The following TRMT11 variants were observed in gnomAD, a reference collection of about 807,000 sequenced individuals.
TRMT11 encodes tRNA methyltransferase 11, also known as tRNA (guanine(10)-N(2))-methyltransferase TRMT11.
Under a neutral mutation model 62.8 loss-of-function variants are expected in TRMT11, and 53 were observed. The ratio of observed to expected loss-of-function variants is 0.84; its 90% CI spans 0.68 to 1.06. The LOEUF is 1.06. Among genes scored for constraint, TRMT11 ranks in the 50% least tolerant of loss-of-function variants. The pLI, the probability that TRMT11 is intolerant of heterozygous loss-of-function variation, is 0.00. For synonymous variants in TRMT11, 188 were observed against 190.3 expected (o/e 0.99, Z 0.10); for missense variants, 556 against 553.4 (o/e 1.00, Z -0.05).
intron 17 of TRMT11, among the ~76,000 whole-genome samples, chr6:126,068,106 AT>A (rs774603778): frequency 2.5e-4 from 38 of 151,994 alleles, no homozygotes; most frequent in Non-Finnish European, 4.0e-4. Context: ...ATTTCTTCTT[AT>A]GTGATGTGTC....
intron 17 of TRMT11, among the ~76,000 whole-genome samples, chr6:126,085,108 A>G (rs531743983): frequency 6.6e-6 from 1 of 152,286 alleles, no homozygotes; most frequent in East Asian, 1.9e-4. Context: ...AATGGTAACT[A>G]TGTGAGGTGA....
chr6:126,257,705 T>C, the TRMT11 span, among the ~76,000 whole-genome samples: 1 of 152,208 alleles, frequency 6.6e-6, no homozygotes, highest in Non-Finnish European at 1.5e-5. Context: ...CCTAGCTTTA[T>C]TAAAGGTCCT....
chr6:126,006,982 T>A (rs771667819), intron 7 of TRMT11: 2 of 152,026 alleles, frequency 1.3e-5, no homozygotes, highest in Non-Finnish European at 2.9e-5. Flanking sequence ...TTGGCAGAAT[T>A]GTAGTAATTC....
the TRMT11 span, among the ~76,000 whole-genome samples, chr6:126,246,116 TA>T: frequency 6.0e-5 from 9 of 149,234 alleles, no homozygotes; most frequent in Admixed American, 6.7e-5. Flanking sequence ...CCTCGTCTCT[TA>T]AAAAAAAAAT....
chr6:126,153,580 TA>T (rs973402898), intron 21 of TRMT11, among the ~76,000 whole-genome samples: 1 of 152,244 alleles, frequency 6.6e-6, no homozygotes, highest in Non-Finnish European at 1.5e-5. Flanking sequence ...AGCCATTCTT[TA>T]AAAAATTCTG....
chr6:126,100,500 C>G (rs1018338336), intron 17 of TRMT11, among the ~76,000 whole-genome samples: 1 of 152,178 alleles, frequency 6.6e-6, no homozygotes, highest in African/African-American at 2.4e-5. Context: ...CCGACCTGAA[C>G]AAGCTTGAGC....
chr6:126,077,163 A>G (rs1484142329), intron 17 of TRMT11, among the ~76,000 whole-genome samples: 2 of 152,168 alleles, frequency 1.3e-5, no homozygotes, highest in African/African-American at 2.4e-5. Flanking sequence ...AACTATTGCA[A>G]CCTCAGTCCC....
intron 16 of TRMT11, among the ~76,000 whole-genome samples, chr6:126,051,905 AAAAAC>A (rs1350191125): frequency 2.6e-5 from 4 of 152,170 alleles, no homozygotes; most frequent in African/African-American, 2.4e-5. Flanking sequence ...GTATGGGACA[AAAAAC>A]AAAACAAAAC....
Position 126,038,692 on chromosome 6 carries a change from T to C in TRMT11, c.1261-13T>C. 1 of 1,543,548 alleles carries C rather than the reference T, an allele frequency of 6.5e-7. No individual in the cohort carries two copies. The highest frequency in any genetic ancestry group is 1.4e-5 in the African/African-American group (1 of 70,562). ...GAAATAATTTTTACATTTTGTATTT[T>C]CCAACCAAACAGAATCGGGACCAGT... On this transcript the variant is annotated splice_polypyrimidine_tract_variant and intron_variant, in intron 12 of 12. Transcript: ENST00000334379.
chr6:126,223,148 G>A, the TRMT11 span, among the ~76,000 whole-genome samples: 2 of 152,300 alleles, frequency 1.3e-5, no homozygotes, highest in East Asian at 1.9e-4. Flanking sequence ...GAGGCTGGGC[G>A]CAGTGGCTCA....
intron 21 of TRMT11, among the ~76,000 whole-genome samples, chr6:126,164,950 T>C (rs984921684): frequency 6.6e-6 from 1 of 152,158 alleles, no homozygotes; most frequent in Non-Finnish European, 1.5e-5. Context: ...AGTCTGTGTC[T>C]TTTAACTGGG....
chr6:126,235,457 T>G, the TRMT11 span, among the ~76,000 whole-genome samples: 1 of 152,214 alleles, frequency 6.6e-6, no homozygotes, highest in Non-Finnish European at 1.5e-5. Context: ...TCAACCTACA[T>G]GCCCATCAGT....
the TRMT11 span, among the ~76,000 whole-genome samples, chr6:126,236,152 A>G: frequency 6.6e-6 from 1 of 152,222 alleles, no homozygotes; most frequent in Non-Finnish European, 1.5e-5. Context: ...GCATTAGCCC[A>G]TAAGTATTTG....
chr6:126,016,454 TTTA>T (rs1794996050), intron 11 of TRMT11, among the ~76,000 whole-genome samples: 1 of 152,202 alleles, frequency 6.6e-6, no homozygotes, highest in Non-Finnish European at 1.5e-5. Flanking sequence ...TGTTTTGCAG[TTTA>T]TTATTTAATT....
chr6:126,152,594 A>G (rs1443639303), intron 21 of TRMT11, among the ~76,000 whole-genome samples: 2 of 152,208 alleles, frequency 1.3e-5, no homozygotes, highest in African/African-American at 2.4e-5. Context: ...AGAGATTACA[A>G]CTAATACAGA....
At chr6:126,232,132 T>C in the TRMT11 span, among the ~76,000 whole-genome samples, 1 of 151,856 alleles carries the variant, frequency 6.6e-6, no homozygotes, top group Non-Finnish European at 1.5e-5. Context: ...TATGTATTAC[T>C]GAGAGACATT....
At chr6:126,152,653 A>G (rs901318096) in intron 21 of TRMT11, among the ~76,000 whole-genome samples, 2 of 152,194 alleles carry the variant, frequency 1.3e-5, no homozygotes, top group African/African-American at 4.8e-5. Flanking sequence ...AAATAAGAAC[A>G]ACTATTTCTC....
the TRMT11 span, among the ~76,000 whole-genome samples, chr6:126,235,974 A>G: frequency 3.9e-5 from 6 of 152,236 alleles, no homozygotes; most frequent in South Asian, 1.2e-3. Flanking sequence ...TGGTACCTAG[A>G]GAATGTGTAT....
intron 21 of TRMT11, among the ~76,000 whole-genome samples, chr6:126,137,609 A>G (rs952907468): frequency 2.0e-5 from 3 of 151,894 alleles, no homozygotes; most frequent in Non-Finnish European, 4.4e-5. Context: ...TAATCATTCC[A>G]TTGCTGGGTA....
Sources: allele counts gnomAD v4.1 joint callset (sites outside exome capture counted in the v4.1 genomes callset), GRCh38; gene constraint gnomAD v4.1.1; transcripts MANE v1.5; gene names NCBI Gene and HGNC (gene_info 2026-07-23, HGNC 2026-07-21).